The following ZBBX variants were observed in gnomAD, a reference collection of about 807,000 sequenced individuals.
ZBBX encodes zinc finger B-box domain containing.
A neutral mutation model predicts 108.5 loss-of-function variants in ZBBX; 101 were observed. The ratio of observed to expected loss-of-function variants is 0.93; its 90% CI spans 0.79 to 1.10. The LOEUF (loss-of-function observed/expected upper bound fraction) is 1.10, where lower values mean the gene tolerates loss of function less well. Among genes scored for constraint, ZBBX ranks in the 50% least tolerant of loss-of-function variants. The probability of loss-of-function intolerance (pLI) is 0.00; values close to 1 mark genes in which losing one functional copy is unlikely to be tolerated. For missense variants in ZBBX, 1,009 were observed against 941.4 expected (o/e 1.07, Z -0.94); for synonymous variants, 356 against 323.4 (o/e 1.10, Z -1.08).
upstream of ZBBX, among the ~76,000 whole-genome samples, chr3:167,383,869 A>G (rs527768570): frequency 1.3e-5 from 2 of 152,200 alleles, no homozygotes; most frequent in African/African-American, 4.8e-5. Context: ...AGAGTTTGCA[A>G]CTAATTAATA....
At chr3:167,379,278 G>C (rs888984169) in intron 2 of ZBBX, among the ~76,000 whole-genome samples, 1 of 152,130 alleles carries the variant, frequency 6.6e-6, no homozygotes, top group Admixed American at 6.5e-5. Flanking sequence ...CAACCAGACA[G>C]GTATAATACC....
intron 20 of ZBBX, among the ~76,000 whole-genome samples, chr3:167,264,294 T>G (rs1725103893): frequency 6.6e-6 from 1 of 152,194 alleles, no homozygotes; most frequent in Non-Finnish European, 1.5e-5. Flanking sequence ...TTTCCTTCCT[T>G]CCTCTCTTCC....
At chr3:167,291,141 T>C (rs1730617872) in intron 18 of ZBBX, among the ~76,000 whole-genome samples, 1 of 152,016 alleles carries the variant, frequency 6.6e-6, no homozygotes, top group South Asian at 2.1e-4. Context: ...CTTCAGGATA[T>C]TATCCAAGAG....
chr3:167,309,899 G>A (rs1334718503), intron 16 of ZBBX, among the ~76,000 whole-genome samples: 2 of 152,176 alleles, frequency 1.3e-5, no homozygotes, highest in Non-Finnish European at 2.9e-5. Flanking sequence ...CACATGGTCA[G>A]GCTGCAAATT....
chr3:167,229,598 G>C, the ZBBX span, among the ~76,000 whole-genome samples: 1 of 151,780 alleles, frequency 6.6e-6, no homozygotes, highest in Non-Finnish European at 1.5e-5. Context: ...TGCTATCTGA[G>C]CCTACAGTCA....
chr3:167,368,404 A>G, intron 5 of ZBBX, 57 bp downstream of exon 5: 2 of 1,215,610 alleles, frequency 1.6e-6, no homozygotes. Flanking sequence ...AGTATATAAA[A>G]TAGTTCTTTA....
intron 20 of ZBBX, among the ~76,000 whole-genome samples, chr3:167,275,325 C>T (rs368906761): frequency 5.9e-5 from 9 of 152,160 alleles, no homozygotes; most frequent in Admixed American, 3.3e-4. Context: ...CCAGCGTGAG[C>T]GACGCAGAAG....
At chr3:167,183,112 G>T in the ZBBX span, among the ~76,000 whole-genome samples, 1 of 152,112 alleles carries the variant, frequency 6.6e-6, no homozygotes, top group Non-Finnish European at 1.5e-5. Flanking sequence ...AGTGCAGAAG[G>T]GTAGGGACAA....
intron 20 of ZBBX, chr3:167,252,161 C>T: frequency 2.2e-5 from 28 of 1,289,566 alleles, no homozygotes; most frequent in Non-Finnish European, 2.8e-5. Context: ...TCTCCCAGCT[C>T]CTTAACATGG....
intron 20 of ZBBX, among the ~76,000 whole-genome samples, chr3:167,275,226 T>G (rs1189530333): frequency 6.6e-6 from 1 of 152,214 alleles, no homozygotes; most frequent in Non-Finnish European, 1.5e-5. Flanking sequence ...CTTCTATGTT[T>G]ACTTATGATA....
chr3:167,274,559 A>G (rs192222482), intron 20 of ZBBX, among the ~76,000 whole-genome samples: 2 of 152,366 alleles, frequency 1.3e-5, no homozygotes, highest in African/African-American at 4.8e-5. Flanking sequence ...CAAAAGGTTT[A>G]GCCTGTTAAC....
chr3:167,276,738 A>G (rs1374380797), intron 20 of ZBBX, among the ~76,000 whole-genome samples: 3 of 152,216 alleles, frequency 2.0e-5, no homozygotes, highest in Non-Finnish European at 2.9e-5. Flanking sequence ...CAGGAAATAT[A>G]GAGAACGCCA....
intron 20 of ZBBX, among the ~76,000 whole-genome samples, chr3:167,273,615 C>T (rs1455760812): frequency 3.3e-5 from 5 of 152,128 alleles, no homozygotes; most frequent in South Asian, 2.1e-4. Context: ...CATCAGTCGC[C>T]CCTTAGTCAT....
chr3:167,255,375 G>T (rs1723321108), intron 20 of ZBBX, among the ~76,000 whole-genome samples: 1 of 151,550 alleles, frequency 6.6e-6, no homozygotes, highest in African/African-American at 2.4e-5. Context: ...CAAGATAAAA[G>T]GCTCAGGATT....
the ZBBX span, among the ~76,000 whole-genome samples, chr3:167,208,541 A>G: frequency 5.3e-5 from 8 of 152,164 alleles, no homozygotes; most frequent in Admixed American, 5.2e-4. Context: ...GCTCCTGGAT[A>G]ACATTTCTAG....
chr3:167,259,751 A>T (rs1724143229), intron 20 of ZBBX, among the ~76,000 whole-genome samples: 1 of 152,168 alleles, frequency 6.6e-6, no homozygotes, highest in African/African-American at 2.4e-5. Context: ...ACTCAGGAGC[A>T]GTTATTTAAT....
At chr3:167,219,378 T>C in the ZBBX span, among the ~76,000 whole-genome samples, 1 of 151,972 alleles carries the variant, frequency 6.6e-6, no homozygotes, top group Non-Finnish European at 1.5e-5. Flanking sequence ...ATAAGGTAGG[T>C]CACAAAACAA....
At chr3:167,357,745 T>C (rs967883381) in intron 8 of ZBBX, among the ~76,000 whole-genome samples, 3 of 152,146 alleles carry the variant, frequency 2.0e-5, no homozygotes, top group Non-Finnish European at 4.4e-5. Flanking sequence ...ATTGCGGCAC[T>C]ATTCACAATA....
intron 20 of ZBBX, among the ~76,000 whole-genome samples, chr3:167,254,063 T>C (rs1156707031): frequency 6.6e-6 from 1 of 152,174 alleles, no homozygotes; most frequent in Non-Finnish European, 1.5e-5. Context: ...TGGGGTAGTT[T>C]TAAAAAACTA....
Sources: allele counts gnomAD v4.1 joint callset (sites outside exome capture counted in the v4.1 genomes callset), GRCh38; gene constraint gnomAD v4.1.1; transcripts MANE v1.5; gene names NCBI Gene and HGNC (gene_info 2026-07-23, HGNC 2026-07-21).